ZNF407: variants seen among roughly 807,000 people sequenced by gnomAD.
ZNF407 encodes zinc finger protein 407.
In ZNF407, 17 loss-of-function variants were observed where a neutral mutation model predicts 131.2. That is an observed-to-expected ratio of 0.13 (90% CI 0.09 to 0.19). The LOEUF (loss-of-function observed/expected upper bound fraction) is 0.19. Ranked by LOEUF, ZNF407 falls within the 10% of genes least tolerant of loss-of-function variation. ZNF407 has a pLI of 1.00. For synonymous variants in ZNF407, 1,156 were observed against 1,062.0 expected (o/e 1.09, Z -1.72); for missense variants, 2,681 against 2,830.6 (o/e 0.95, Z 1.20).
intron 4 of ZNF407, among the ~76,000 whole-genome samples, chr18:74,846,312 T>C (rs755759464): frequency 3.9e-5 from 6 of 152,070 alleles, no homozygotes; most frequent in Non-Finnish European, 8.8e-5. Context: ...ATAAACCTTT[T>C]CTAACAATGT....
rs371338916 is a variant in ZNF407 at position 75,064,247 on chromosome 18, C to T, written c.6526C>T (p.Pro2176Ser). The change falls in exon 9 of 9, where the codon CCC (proline) becomes TCC (serine). Residue 2176 changes from proline to serine, a missense_variant. Coordinates refer to ENST00000299687, the MANE Select transcript of ZNF407 (RefSeq NM_017757.3). ...CACGCACTACATCCTGACAGAGCTG[C>T]CCCCAGGGGTGCAGGACGAGCCGGG... ...GTTHYILTEL[P>S]PGVQDEPGLY... The T allele has an allele frequency of 2.2e-5, 35 of 1,606,198 alleles. No homozygotes were observed. In the Admixed American group the frequency reaches 5.5e-4, roughly 25 times the overall value.
At chr18:74,724,180 T>C in intron 3 of ZNF407, among the ~76,000 whole-genome samples, 1 of 152,314 alleles carries the variant, frequency 6.6e-6, no homozygotes, top group African/African-American at 2.4e-5. Context: ...CATAAAATTT[T>C]ATTTTATTTT....
At chr18:75,043,732 AT>A (rs1217411862) in intron 8 of ZNF407, among the ~76,000 whole-genome samples, 1 of 152,188 alleles carries the variant, frequency 6.6e-6, no homozygotes, top group Non-Finnish European at 1.5e-5. Flanking sequence ...TCATGGGCAA[AT>A]TTAACAAGTT....
chr18:74,787,768 C>T (rs1415029428), intron 4 of ZNF407, among the ~76,000 whole-genome samples: 2 of 152,164 alleles, frequency 1.3e-5, no homozygotes, highest in East Asian at 1.9e-4. Context: ...TCTTCATTGA[C>T]TTGTTTCGTT....
intron 4 of ZNF407, among the ~76,000 whole-genome samples, chr18:74,799,608 C>T (rs1175582948): frequency 6.6e-6 from 1 of 152,000 alleles, no homozygotes; most frequent in Non-Finnish European, 1.5e-5. Context: ...ACATTGACAG[C>T]AAAAATATCA....
In ZNF407 at chr18:74,634,736, C is replaced by A. The variant is rs201823505; in HGVS notation, c.3717C>A (p.Asp1239Glu). The A allele has an allele frequency of 2.5e-6, 4 of 1,613,916 alleles. No individual in the cohort carries two copies. Among genetic ancestry groups the A allele is most frequent in the Non-Finnish European group, 3.4e-6 (4 of 1,179,920 alleles). ...AGGGTGAAGGAGGAAACGCAGGAGA[C>A]GGTGGAGGTGTTGTCCCCCACAGAC... The part of the protein sequence containing the change: ...HCEGEGGNAG[D>E]GGGVVPHRHL... The change falls in exon 2 of 9, where the codon GAC (aspartate) becomes GAA (glutamate). Residue 1239 changes from aspartate (D) to glutamate (E), a missense_variant. Around this residue, in one of 6 missense-constraint regions of ZNF407, gnomAD observed 1,789 missense variants for 1,748.7 expected, o/e 1.02. Coordinates refer to ENST00000299687, the MANE Select transcript of ZNF407 (RefSeq NM_017757.3).
intron 3 of ZNF407, among the ~76,000 whole-genome samples, chr18:74,707,643 C>G (rs1255096647): frequency 6.6e-6 from 1 of 152,160 alleles, no homozygotes; most frequent in Non-Finnish European, 1.5e-5. Flanking sequence ...TCATTACTTT[C>G]TTTAGAAAGA....
chr18:74,959,872 A>ATT (rs1972318797), intron 8 of ZNF407, among the ~76,000 whole-genome samples: 1 of 152,220 alleles, frequency 6.6e-6, no homozygotes, highest in Non-Finnish European at 1.5e-5. Context: ...ATGACCCTAA[A>ATT]TAGTCATCCT....
At chr18:74,702,079 A>G (rs183084945) in intron 3 of ZNF407, among the ~76,000 whole-genome samples, 1 of 152,300 alleles carries the variant, frequency 6.6e-6, no homozygotes, top group Non-Finnish European at 1.5e-5. Context: ...CTATTTTTGA[A>G]TGCTCTTCTA....
intron 3 of ZNF407, among the ~76,000 whole-genome samples, chr18:74,692,639 C>T (rs1168676992): frequency 2.0e-5 from 3 of 152,116 alleles, no homozygotes; most frequent in Admixed American, 6.5e-5. Context: ...TCTCCCCTAG[C>T]GGTAGCTGAT....
At chr18:74,848,370 T>C (rs1281004827) in intron 4 of ZNF407, among the ~76,000 whole-genome samples, 1 of 152,000 alleles carries the variant, frequency 6.6e-6, no homozygotes, top group African/African-American at 2.4e-5. Context: ...ATTGAAACAA[T>C]AAAACCGTAA....
At chr18:74,813,516 G>A in intron 4 of ZNF407, among the ~76,000 whole-genome samples, 1 of 152,158 alleles carries the variant, frequency 6.6e-6, no homozygotes, top group Non-Finnish European at 1.5e-5. Context: ...GGGAAGACCT[G>A]CTTTGCCACT....
chr18:74,600,497 G>C (rs1982531536), intron 1 of ZNF407, among the ~76,000 whole-genome samples: 1 of 152,198 alleles, frequency 6.6e-6, no homozygotes, highest in South Asian at 2.1e-4. Flanking sequence ...GATGGAGAGA[G>C]ATGGTCTTTA....
chr18:74,715,938 T>C (rs1967883188), intron 3 of ZNF407, among the ~76,000 whole-genome samples: 1 of 152,180 alleles, frequency 6.6e-6, no homozygotes, highest in Non-Finnish European at 1.5e-5. Flanking sequence ...TTTTACACTA[T>C]TGTTGATCTT....
In ZNF407 at chr18:74,635,331, C is replaced by G; in HGVS notation, c.4312C>G (p.Pro1438Ala). Residue 1438 changes from proline (P) to alanine (A), a missense_variant, in exon 2 of 9, where the codon CCT (proline) becomes GCT (alanine). By Grantham distance (27) the Pro-to-Ala change is conservative. Coordinates refer to ENST00000299687, the MANE Select transcript of ZNF407 (RefSeq NM_017757.3). This position sits in a 1 kb window ranked among gnomAD's most constrained non-coding sequence, Gnocchi z 4.7. ...GLNVHIAMKHPTKEKHFHCLL... is the reference protein window; with the variant it reads ...GLNVHIAMKHATKEKHFHCLL... ...GAATGTTCACATAGCCATGAAGCAT[C>G]CTACAAAAGAGAAGCACTTCCATTG... is the stretch of plus-strand genomic sequence containing the variant. 6.2e-7 allele frequency: 1 copy of G among 1,613,966 alleles called. No individual in the cohort carries two copies. The highest frequency in any genetic ancestry group is 8.5e-7 in the Non-Finnish European group (1 of 1,179,892).
intron 1 of ZNF407, among the ~76,000 whole-genome samples, chr18:74,623,999 G>A (rs1983679058): frequency 6.6e-6 from 1 of 152,152 alleles, no homozygotes; most frequent in South Asian, 2.1e-4. Flanking sequence ...CATTATTTTA[G>A]TCTAGATACT....
At chr18:74,721,702 T>A (rs1968040813) in intron 3 of ZNF407, among the ~76,000 whole-genome samples, 2 of 152,218 alleles carry the variant, frequency 1.3e-5, no homozygotes, top group Non-Finnish European at 2.9e-5. Flanking sequence ...CTTTTTCACT[T>A]AGTGTTTATT....
At chr18:74,916,806 A>C (rs961783880) in intron 7 of ZNF407, among the ~76,000 whole-genome samples, 2 of 131,388 alleles carry the variant, frequency 1.5e-5, no homozygotes, top group African/African-American at 3.1e-5. Context: ...GTGTGTGTGC[A>C]TGTGTGTGCT....
At chr18:74,798,026 G>A (rs1349717813) in intron 4 of ZNF407, among the ~76,000 whole-genome samples, 1 of 152,000 alleles carries the variant, frequency 6.6e-6, no homozygotes, top group African/African-American at 2.4e-5. Flanking sequence ...CTAATGCTGG[G>A]GAAAGGCGCA....
Sources: gnomAD v4.1 joint callset for allele counts (sites outside exome capture counted in the v4.1 genomes callset) on GRCh38, gnomAD v4.1.1 for gene constraint, gnomAD v4.1.1 regional missense constraint, Gnocchi (gnomAD v3.1) non-coding constraint, MANE v1.5 for transcripts, NCBI Gene and HGNC (gene_info 2026-07-23, HGNC 2026-07-21) for gene names.